INSL6: variants seen among roughly 807,000 people sequenced by gnomAD.
INSL6 encodes the protein insulin like 6.
A neutral mutation model predicts 9.4 loss-of-function variants in INSL6; 16 were observed. That is an observed-to-expected ratio of 1.70 (90% CI 1.15 to 2.59). INSL6 has a LOEUF of 2.59. Ranked by LOEUF, INSL6 falls within the 30% of genes most tolerant of loss-of-function variation. The pLI is 0.00. For missense variants in INSL6, 391 were observed against 257.3 expected (o/e 1.52, Z -3.56); for synonymous variants, 154 against 96.9 (o/e 1.59, Z -3.46).
the INSL6 span, chr9:5,096,652 C>A: frequency 1.3e-5 from 2 of 152,166 alleles, no homozygotes; most frequent in African/African-American, 4.8e-5. Context: ...GCCATTTTAC[C>A]CTTTTTTCCA....
chr9:5,012,488 C>A, the INSL6 span, among the ~76,000 whole-genome samples: 3 of 152,070 alleles, frequency 2.0e-5, no homozygotes, highest in Non-Finnish European at 4.4e-5. Context: ...TGTTATTTAT[C>A]ATTTCCTTGG....
At chr9:5,106,801 A>T in the INSL6 span, among the ~76,000 whole-genome samples, 4 of 152,204 alleles carry the variant, frequency 2.6e-5, no homozygotes, top group African/African-American at 9.7e-5. Context: ...GCGCAAGGAC[A>T]GAAAAGCAAA....
chr9:5,078,578 G>T, the INSL6 span: 3 of 698,430 alleles, frequency 4.3e-6, no homozygotes, highest in South Asian at 2.5e-5. Flanking sequence ...ATCACTTTTA[G>T]CAATTTAAAT....
chr9:5,111,716 C>G, the INSL6 span: 86 of 433,664 alleles, frequency 2.0e-4, no homozygotes, highest in Non-Finnish European at 2.2e-4. Flanking sequence ...CGGCCTGCAC[C>G]AGCACGAGCG....
chr9:5,050,778 G>T, the INSL6 span: 2 of 1,613,510 alleles, frequency 1.2e-6, no homozygotes, highest in East Asian at 4.5e-5. Context: ...TAGATATGAT[G>T]AGAATAGCCA....
the INSL6 span, among the ~76,000 whole-genome samples, chr9:4,999,051 T>G: frequency 1.3e-5 from 2 of 152,020 alleles, no homozygotes; most frequent in African/African-American, 4.8e-5. Flanking sequence ...GGTCTCGATC[T>G]CCTGACCTTG....
the INSL6 span, among the ~76,000 whole-genome samples, chr9:5,117,455 T>G: frequency 3.3e-5 from 5 of 152,220 alleles, no homozygotes; most frequent in Non-Finnish European, 7.3e-5. Flanking sequence ...GTAAAAAATA[T>G]TTTCATAATA....
chr9:5,006,714 G>A, the INSL6 span, among the ~76,000 whole-genome samples: 2 of 152,208 alleles, frequency 1.3e-5, no homozygotes, highest in Admixed American at 1.3e-4. Flanking sequence ...CATGAGACTA[G>A]CAAAGCGTAA....
the INSL6 span, chr9:5,085,124 C>T: frequency 3.1e-6 from 2 of 649,024 alleles, no homozygotes; most frequent in Non-Finnish European, 6.0e-6. Context: ...GTTTGTTTTA[C>T]ACCATCACTC....
chr9:5,061,091 G>A, the INSL6 span, among the ~76,000 whole-genome samples: 23 of 152,324 alleles, frequency 1.5e-4, no homozygotes, highest in African/African-American at 5.3e-4. Flanking sequence ...AGTAAACCAT[G>A]CTATAAACAA....
chr9:5,054,702 CTT>C, the INSL6 span: 1 of 1,613,384 alleles, frequency 6.2e-7, no homozygotes, highest in Non-Finnish European at 8.5e-7. The surrounding 1 kb of genome is among the most constrained non-coding windows in gnomAD (Gnocchi z 4.9). Context: ...AAACTTGAAA[CTT>C]AAGTATCTTA....
chr9:5,044,327 T>C, the INSL6 span: 1 of 848,160 alleles, frequency 1.2e-6, no homozygotes, highest in African/African-American at 1.7e-5. Context: ...CAGTATGCTG[T>C]AGGTGACTAT....
chr9:5,005,256 G>A, the INSL6 span, among the ~76,000 whole-genome samples: 3 of 151,348 alleles, frequency 2.0e-5, no homozygotes, highest in African/African-American at 7.3e-5. Flanking sequence ...AGTCTGTATT[G>A]TCCTTTGAGG....
the INSL6 span, among the ~76,000 whole-genome samples, chr9:5,075,832 G>A: frequency 6.0e-3 from 907 of 152,220 alleles, 2 homozygotes; most frequent in Non-Finnish European, 0.01. Context: ...TGATTCCTCT[G>A]GTGGATCTGG....
chr9:5,105,632 G>C, the INSL6 span, among the ~76,000 whole-genome samples: 102 of 152,248 alleles, frequency 6.7e-4, no homozygotes, highest in South Asian at 1.5e-3. Flanking sequence ...AAAGAACAAA[G>C]CTGGAGGCAT....
At chr9:5,067,549 T>C in the INSL6 span, among the ~76,000 whole-genome samples, 1 of 152,100 alleles carries the variant, frequency 6.6e-6, no homozygotes, top group East Asian at 1.9e-4. Flanking sequence ...AGGGAGGTTA[T>C]GCCATCACTT....
At chr9:5,154,650 A>G (rs1396128858) in intron 2 of INSL6, among the ~76,000 whole-genome samples, 5 of 152,208 alleles carry the variant, frequency 3.3e-5, no homozygotes, top group Non-Finnish European at 7.3e-5. Flanking sequence ...GAACCCCATC[A>G]ACAACTGGAC....
chr9:5,178,057 G>C (rs1825352998), intron 1 of INSL6, among the ~76,000 whole-genome samples: 1 of 152,108 alleles, frequency 6.6e-6, no homozygotes, highest in Non-Finnish European at 1.5e-5. Context: ...TGTATTTTTA[G>C]TAGAGACAGG....
At chr9:5,005,142 G>A in the INSL6 span, among the ~76,000 whole-genome samples, 1 of 109,504 alleles carries the variant, frequency 9.1e-6, no homozygotes, top group Non-Finnish European at 1.7e-5. Context: ...TAGGTACAGG[G>A]TCTCACTGTG....
Sources: allele counts gnomAD v4.1 joint callset (sites outside exome capture counted in the v4.1 genomes callset), GRCh38; gene constraint gnomAD v4.1.1; non-coding constraint Gnocchi (gnomAD v3.1); transcripts MANE v1.5; gene names NCBI Gene and HGNC (gene_info 2026-07-23, HGNC 2026-07-21).